CNTFR: variants seen among roughly 807,000 people sequenced by gnomAD.
CNTFR encodes the protein ciliary neurotrophic factor receptor subunit alpha.
A neutral mutation model predicts 40.4 loss-of-function variants in CNTFR; 12 were observed. The observed-to-expected ratio is 0.30, with a 90% CI of 0.19 to 0.48. The LOEUF is 0.48. CNTFR is among the 20% of genes least tolerant of loss of function. The probability of loss-of-function intolerance (pLI) is 0.99; values close to 1 mark genes in which losing one functional copy is unlikely to be tolerated. For synonymous variants in CNTFR, 202 were observed against 209.6 expected, an observed-to-expected ratio of 0.96 and a Z score of 0.31; for missense variants, 414 against 506.8, an observed-to-expected ratio of 0.82 and a Z score of 1.76.
chr9:34,551,884 G>A lies in CNTFR; in HGVS notation c.*187C>T. 2 of 692,304 alleles carry A rather than the reference G, an allele frequency of 2.9e-6. No individual in the cohort carries two copies. Among genetic ancestry groups the A allele is most frequent in the African/African-American group, 1.8e-5 (1 of 56,956 alleles). The allele number at this position is 692,304 out of a possible 1,614,324, so 42.9% of individuals were successfully genotyped here. Reference sequence around the variant, plus strand: ...CACCTCCCCTGAGGGAGGAAGGAGGGCCAGCTTGGTGCGGCAGGGCTGGGG... The same window carrying A: ...CACCTCCCCTGAGGGAGGAAGGAGGACCAGCTTGGTGCGGCAGGGCTGGGG... On this transcript the variant is annotated 3_prime_UTR_variant, in exon 10 of 10. Coordinates refer to ENST00000378980, the MANE Select transcript of CNTFR (RefSeq NM_147164.3).
chr9:34,578,759 G>A (rs1262589495), intron 2 of CNTFR, among the ~76,000 whole-genome samples: 2 of 152,222 alleles, frequency 1.3e-5, no homozygotes, highest in Non-Finnish European at 2.9e-5. Context: ...CCTTACTTTA[G>A]GAGCACGGGG....
chr9:34,572,383 C>T (rs1826705646), intron 2 of CNTFR, among the ~76,000 whole-genome samples: 1 of 152,164 alleles, frequency 6.6e-6, no homozygotes, highest in South Asian at 2.1e-4. Context: ...CACCCCATGG[C>T]TCTGAGATAG....
chr9:34,555,115 C>T (rs969906557), intron 7 of CNTFR, among the ~76,000 whole-genome samples: 1 of 152,226 alleles, frequency 6.6e-6, no homozygotes, highest in African/African-American at 2.4e-5. Flanking sequence ...CCGCGACGCG[C>T]GGGGCTGCTG....
chr9:34,555,930 C>A (rs1380906688), intron 7 of CNTFR, among the ~76,000 whole-genome samples: 1 of 128,262 alleles, frequency 7.8e-6, no homozygotes, highest in African/African-American at 3.0e-5. Context: ...CCATCTCCCT[C>A]CCCCGCCATC....
chr9:34,574,190 C>T (rs1472114918), intron 2 of CNTFR, among the ~76,000 whole-genome samples: 4 of 152,100 alleles, frequency 2.6e-5, no homozygotes, highest in Admixed American at 6.5e-5. Flanking sequence ...GCTGGCCCGG[C>T]AGGCCCCTCA....
At chr9:34,571,632 G>T (rs1216108279) in intron 2 of CNTFR, among the ~76,000 whole-genome samples, 1 of 151,900 alleles carries the variant, frequency 6.6e-6, no homozygotes, top group Non-Finnish European at 1.5e-5. Flanking sequence ...CATCAAAGTC[G>T]CCTCCATCAG....
intron 1 of CNTFR, among the ~76,000 whole-genome samples, chr9:34,585,176 C>T (rs1333510563): frequency 1.3e-5 from 2 of 152,160 alleles, no homozygotes; most frequent in Admixed American, 6.5e-5. Flanking sequence ...CTCTGGTGTA[C>T]GAGGTCTGTG....
chr9:34,556,554 T>C (rs1825842875), intron 6 of CNTFR, 136 bp from the exon 7 acceptor site: 1 of 800,576 alleles, frequency 1.2e-6, no homozygotes. Flanking sequence ...CTCTTCTCTG[T>C]TGTCAATTCT....
At chr9:34,555,935 GCCATCTCCCTCCCCCA>G (rs796955166) in intron 7 of CNTFR, among the ~76,000 whole-genome samples, 323 of 20,054 alleles carry the variant, frequency 0.016, 2 homozygotes, top group South Asian at 0.03. Flanking sequence ...TCCCTCCCCC[GCCATCTCCCTCCCCCA>G]CCATCTCCCT....
At chr9:34,570,835 C>T (rs1826579729) in intron 2 of CNTFR, among the ~76,000 whole-genome samples, 1 of 152,184 alleles carries the variant, frequency 6.6e-6, no homozygotes, top group East Asian at 1.9e-4. Flanking sequence ...GAAGCAGCTG[C>T]GGAGAGGCTG....
At chr9:34,556,189 G>T in intron 7 of CNTFR, 66 bp downstream of exon 7, 2 of 1,515,568 alleles carry the variant, frequency 1.3e-6, no homozygotes, top group East Asian at 5.7e-5. Flanking sequence ...CGTGGGATAT[G>T]GGTGCCACTC....
intron 1 of CNTFR, among the ~76,000 whole-genome samples, chr9:34,587,912 T>C (rs999290771): frequency 1.3e-5 from 2 of 152,078 alleles, no homozygotes; most frequent in African/African-American, 4.8e-5. Flanking sequence ...TGTGAGTCTA[T>C]GTGGAAACTC....
At chr9:34,570,747 T>C (rs7033809) in intron 2 of CNTFR, among the ~76,000 whole-genome samples, 149,625 of 152,236 alleles carry the variant, frequency 0.98, 73,576 homozygotes, top group East Asian at 1. Flanking sequence ...GTGCCAGATA[T>C]ACCCCGAGAA....
In CNTFR at chr9:34,551,872, G is replaced by T; in HGVS notation, c.*199C>A. 1 of 682,018 alleles carries T rather than the reference G, an allele frequency of 1.5e-6. No individual in the cohort carries two copies. Among genetic ancestry groups the T allele is most frequent in the Non-Finnish European group, 2.7e-6 (1 of 374,334 alleles). The allele number at this position is 682,018 out of a possible 1,614,324, so 42.2% of individuals were successfully genotyped here. A position where few individuals can be genotyped will look rare whatever the true frequency, so the allele number is the denominator to read the frequency against. On this transcript the variant is annotated 3_prime_UTR_variant, in exon 10 of 10. Coordinates refer to ENST00000378980, the MANE Select transcript of CNTFR (RefSeq NM_147164.3). ...AGCTGCATGGCCCACCTCCCCTGAGGGAGGAAGGAGGGCCAGCTTGGTGCG... is the reference window on the plus strand; with the variant it reads ...AGCTGCATGGCCCACCTCCCCTGAGTGAGGAAGGAGGGCCAGCTTGGTGCG...
intron 3 of CNTFR, among the ~76,000 whole-genome samples, chr9:34,567,121 C>T (rs1376053429): frequency 6.6e-6 from 1 of 152,302 alleles, no homozygotes; most frequent in East Asian, 1.9e-4. Context: ...GCTCCCGCCC[C>T]GTGGGTGCCC....
At chr9:34,567,826 C>T (rs1412363327) in intron 3 of CNTFR, among the ~76,000 whole-genome samples, 1 of 152,202 alleles carries the variant, frequency 6.6e-6, no homozygotes, top group Admixed American at 6.5e-5. Flanking sequence ...CTCACAAGAA[C>T]ACAGTTTCAC....
chr9:34,564,607 T>A lies in CNTFR; in HGVS notation c.311A>T (p.His104Leu), dbSNP rs369709372. 1 of 1,607,356 alleles carries A rather than the reference T, an allele frequency of 6.2e-7. No homozygotes were observed. The highest frequency in any genetic ancestry group is 8.5e-7 in the Non-Finnish European group (1 of 1,177,428). The stretch of plus-strand genomic sequence containing the variant: ...GTGGGGGCAACACTTACAGCCCACA[T>A]GCAGCAGGACTTGGTGGCGCAGGTG... The part of the protein sequence containing the change: ...SWHLRHQVLL[H>L]VGLPPREPVL... The change falls in exon 4 of 10, where the codon CAT (histidine) becomes CTT (leucine). Residue 104 changes from histidine to leucine, a missense_variant. Coordinates refer to ENST00000378980, the MANE Select transcript of CNTFR (RefSeq NM_147164.3).
chr9:34,565,704 G>C (rs1485315495), intron 3 of CNTFR, among the ~76,000 whole-genome samples: 1 of 152,172 alleles, frequency 6.6e-6, no homozygotes, highest in Non-Finnish European at 1.5e-5. Context: ...ACAGAGCCCA[G>C]GAGACTGGAA....
At chr9:34,571,811 G>A (rs1309196022) in intron 2 of CNTFR, among the ~76,000 whole-genome samples, 2 of 152,060 alleles carry the variant, frequency 1.3e-5, no homozygotes, top group African/African-American at 4.8e-5. Flanking sequence ...GAGACAAGAG[G>A]GAGGGAGAGA....
Sources: allele counts gnomAD v4.1 joint callset (sites outside exome capture counted in the v4.1 genomes callset), GRCh38; gene constraint gnomAD v4.1.1; transcripts MANE v1.5; gene names NCBI Gene and HGNC (gene_info 2026-07-23, HGNC 2026-07-21).